PLCL1: variants seen among roughly 807,000 people sequenced by gnomAD.
The protein encoded by PLCL1 is phospholipase C like 1 (inactive), also known as inactive phospholipase C-like protein 1.
In PLCL1, 41 loss-of-function variants were observed where a neutral mutation model predicts 84.4. The observed-to-expected ratio is 0.49, with a 90% confidence interval of 0.38 to 0.63. The LOEUF (loss-of-function observed/expected upper bound fraction) is 0.63. Among genes scored for constraint, PLCL1 ranks in the 30% least tolerant of loss-of-function variants. The pLI, the probability that PLCL1 is intolerant of heterozygous loss-of-function variation, is 0.00. For synonymous variants in PLCL1, 490 were observed against 488.3 expected (o/e 1.00, Z -0.05); for missense variants, 1,206 against 1,367.8 (o/e 0.88, Z 1.87).
chr2:198,018,349 C>T (rs1034716448), intron 1 of PLCL1, among the ~76,000 whole-genome samples: 1 of 152,120 alleles, frequency 6.6e-6, no homozygotes, highest in Non-Finnish European at 1.5e-5. Flanking sequence ...TTATTTCATA[C>T]CTCAGTGGCA....
chr2:197,993,017 G>A (rs1351843515), intron 1 of PLCL1, among the ~76,000 whole-genome samples: 2 of 152,086 alleles, frequency 1.3e-5, no homozygotes, highest in African/African-American at 4.8e-5. Flanking sequence ...CTTTTTTGGG[G>A]TATATACCCA....
intron 1 of PLCL1, among the ~76,000 whole-genome samples, chr2:198,065,816 A>G (rs934494292): frequency 3.9e-5 from 6 of 152,214 alleles, no homozygotes; most frequent in South Asian, 2.1e-4. Flanking sequence ...GCCTTTTGCC[A>G]GTTTAGGTGT....
intron 5 of PLCL1, among the ~76,000 whole-genome samples, chr2:198,122,258 A>T (rs1553519459): frequency 6.6e-6 from 1 of 152,096 alleles, no homozygotes; most frequent in Non-Finnish European, 1.5e-5. Flanking sequence ...TCATAAGAGG[A>T]TAAAAAAAAA....
chr2:198,029,697 TCTC>T (rs375821765), intron 1 of PLCL1, among the ~76,000 whole-genome samples: 27,395 of 147,092 alleles, frequency 0.19, 2,645 homozygotes, highest in East Asian at 0.24. Flanking sequence ...TCTCCTCTTC[TCTC>T]CTCTTCTCTC....
chr2:198,101,338 G>T lies in PLCL1; in HGVS notation c.2973G>T (p.Lys991Asn). The change falls in exon 4 of 6, where the codon AAG becomes AAT. Residue 991 changes from lysine (K) to asparagine (N), a missense_variant. Coordinates refer to ENST00000428675, the MANE Select transcript of PLCL1 (RefSeq NM_006226.4). ...LIEMADTVQE[K>N]IVQCQKAGME... is the part of the protein sequence containing the mutation. ...AAATGGCGGACACAGTCCAGGAAAAGATTGTACAGTGTCAGAAAGCAGGTA... is the reference window on the plus strand; with the variant it reads ...AAATGGCGGACACAGTCCAGGAAAATATTGTACAGTGTCAGAAAGCAGGTA... 6.3e-7 allele frequency: 1 copy of T among 1,582,564 alleles called. No individual in the cohort carries two copies. The highest frequency in any genetic ancestry group is 2.2e-5 in the East Asian group (1 of 44,512).
intron 1 of PLCL1, among the ~76,000 whole-genome samples, chr2:198,000,889 A>T (rs147876156): frequency 1.1e-3 from 169 of 152,276 alleles, no homozygotes; most frequent in African/African-American, 3.9e-3. Context: ...CGGATAGTTG[A>T]TTTATGAATA....
intron 1 of PLCL1, among the ~76,000 whole-genome samples, chr2:197,923,864 C>T (rs963625791): frequency 6.6e-6 from 1 of 151,300 alleles, no homozygotes; most frequent in Admixed American, 6.6e-5. Context: ...CCAGCCTGGG[C>T]ACCATTGAGC....
intron 1 of PLCL1, among the ~76,000 whole-genome samples, chr2:198,048,405 A>T (rs957918241): frequency 1.3e-5 from 2 of 152,200 alleles, no homozygotes; most frequent in Non-Finnish European, 2.9e-5. Flanking sequence ...GTATTAGTCC[A>T]TTTTATGTTG....
chr2:197,816,670 CAATA>C (rs766353945), intron 1 of PLCL1, among the ~76,000 whole-genome samples: 3 of 151,718 alleles, frequency 2.0e-5, no homozygotes, highest in Admixed American at 6.6e-5. Flanking sequence ...CTCCCAGTGT[CAATA>C]AATAAATAAA....
intron 1 of PLCL1, among the ~76,000 whole-genome samples, chr2:198,067,005 G>A (rs1486849712): frequency 2.0e-5 from 3 of 151,984 alleles, no homozygotes; most frequent in African/African-American, 4.8e-5. Context: ...TACAGTATAT[G>A]CACTATATAT....
intron 1 of PLCL1, among the ~76,000 whole-genome samples, chr2:198,060,526 C>T (rs544895676): frequency 6.6e-6 from 1 of 152,296 alleles, no homozygotes; most frequent in East Asian, 1.9e-4. Context: ...CGAGTTGGAA[C>T]ATTTCAGTCC....
rs542199767 is a variant in PLCL1, at chr2:198,083,977, G to A, written c.460G>A (p.Glu154Lys). 5 of 1,614,078 alleles carry A rather than the reference G, an allele frequency of 3.1e-6. No individual in the cohort carries two copies. Among genetic ancestry groups the A allele is most frequent in the Non-Finnish European group, 4.2e-6 (5 of 1,179,974 alleles). ...CTGGGAACCTTCAAAGAAAGACCTC[G>A]AGAAAGCCAAGCTTGATATTTCTGC... ...LRWEPSKKDL[E>K]KAKLDISAIK... Residue 154 changes from glutamate to lysine, a missense_variant, in exon 2 of 6, where the codon GAG becomes AAG. By Grantham distance (56) the Glu-to-Lys change is moderately conservative. Coordinates refer to ENST00000428675, the MANE Select transcript of PLCL1 (RefSeq NM_006226.4).
chr2:198,011,053 G>GT (rs1000186780), intron 1 of PLCL1, among the ~76,000 whole-genome samples: 53 of 150,874 alleles, frequency 3.5e-4, no homozygotes, highest in African/African-American at 1.2e-3. Context: ...CAATTTTGTT[G>GT]TTTTTTTGGG....
chr2:197,843,834 A>T (rs540383005), intron 1 of PLCL1, among the ~76,000 whole-genome samples: 66 of 152,294 alleles, frequency 4.3e-4, no homozygotes, highest in Non-Finnish European at 7.4e-4. Flanking sequence ...AGAACCAAGG[A>T]ACATTTTTGA....
chr2:197,963,104 G>T (rs984938526), intron 1 of PLCL1, among the ~76,000 whole-genome samples: 40 of 152,056 alleles, frequency 2.6e-4, no homozygotes, highest in Admixed American at 9.2e-4. Context: ...CAGTAGGATT[G>T]CTGGATCATA....
At chr2:198,091,045 T>C (rs1185242639) in intron 3 of PLCL1, among the ~76,000 whole-genome samples, 1 of 152,212 alleles carries the variant, frequency 6.6e-6, no homozygotes, top group African/African-American at 2.4e-5. Context: ...AAGGCTACGG[T>C]GGAAGCAGAA....
chr2:197,847,182 C>G (rs1181609086), intron 1 of PLCL1, among the ~76,000 whole-genome samples: 1 of 152,074 alleles, frequency 6.6e-6, no homozygotes, highest in African/African-American at 2.4e-5. Context: ...TAAACATGTT[C>G]CCATTCCTCA....
rs548380957 is a variant in PLCL1, at chr2:197,868,763, A to G, written c.240+63424A>G. The stretch of plus-strand genomic sequence containing the variant: ...ACTCCTAGATTCAAGTGATCCACCC[A>G]CCTCAGCCTCCCAAAGAGCTGGGAT... On this transcript the variant is annotated intron_variant, in intron 1 of 5. Transcript: ENST00000428675. Among the ~76,000 whole-genome samples the G allele has an allele frequency of 6.0e-5, 9 of 149,766 alleles. No individual in the cohort carries two copies. In the South Asian group the frequency reaches 1.9e-3, roughly 32 times the overall value.
At chr2:197,943,627 CTTTTTTTT>C (rs5837573) in intron 1 of PLCL1, among the ~76,000 whole-genome samples, 1 of 119,206 alleles carries the variant, frequency 8.4e-6, no homozygotes. Flanking sequence ...TTGGTTACAT[CTTTTTTTT>C]TTTTTTTTTT....
Sources: gnomAD v4.1 joint callset for allele counts (sites outside exome capture counted in the v4.1 genomes callset) on GRCh38, gnomAD v4.1.1 for gene constraint, MANE v1.5 for transcripts, NCBI Gene and HGNC (gene_info 2026-07-23, HGNC 2026-07-21) for gene names.